TUBGCP5: variants seen among roughly 807,000 people sequenced by gnomAD.
The protein encoded by TUBGCP5 is tubulin gamma complex component 5, also known as gamma-tubulin complex component 5.
In TUBGCP5, 98 loss-of-function variants were observed where a neutral mutation model predicts 134.7. The observed-to-expected ratio is 0.73, with a 90% confidence interval of 0.62 to 0.86. The LOEUF is 0.86. TUBGCP5 is among the 40% of genes least tolerant of loss of function. The pLI is 0.00. For synonymous variants in TUBGCP5, 456 were observed against 431.4 expected, an observed-to-expected ratio of 1.06 and a Z score of -0.71; for missense variants, 1,150 against 1,244.8, an observed-to-expected ratio of 0.92 and a Z score of 1.15.
At chr15:23,016,325 T>C (rs1451957503) in intron 13 of TUBGCP5, among the ~76,000 whole-genome samples, 1 of 152,024 alleles carries the variant, frequency 6.6e-6, no homozygotes, top group Non-Finnish European at 1.5e-5. Context: ...AAACCTCGTC[T>C]CTACTAAAAA....
chr15:23,021,932 C>G, intron 11 of TUBGCP5, 27 bp downstream of exon 11: 1 of 1,610,644 alleles, frequency 6.2e-7, no homozygotes, highest in Non-Finnish European at 8.5e-7. Context: ...CATGGAGTCA[C>G]ACACTTTAGG....
intron 10 of TUBGCP5, among the ~76,000 whole-genome samples, chr15:23,022,770 T>C (rs2065774890): frequency 6.6e-6 from 1 of 152,236 alleles, no homozygotes; most frequent in Non-Finnish European, 1.5e-5. Flanking sequence ...ACTGTCACTA[T>C]GTAAGGTTTT....
At chr15:23,024,313 G>A (rs1370493025) in intron 9 of TUBGCP5, 120 bp from the exon 10 acceptor site, 7 of 1,097,248 alleles carry the variant, frequency 6.4e-6, no homozygotes, top group South Asian at 1.9e-5. Context: ...TTTAGTAGAA[G>A]ACAAAGTAAT....
chr15:23,019,668 G>A lies in TUBGCP5; in HGVS notation c.1372-334C>T, dbSNP rs565094919. ...AAAAATTAGCTGGGCATGGTGACAC[G>A]CGCCTGTAGTCCTGGCTACTTGGGA... On this transcript the variant is annotated intron_variant, in intron 11 of 22. Coordinates refer to ENST00000615383, the MANE Select transcript of TUBGCP5 (RefSeq NM_052903.6). Among the ~76,000 whole-genome samples the A allele has an allele frequency of 9.2e-5, 14 of 151,800 alleles. No individual in the cohort carries two copies. In the East Asian group the frequency reaches 2.0e-3, roughly 21 times the overall value.
At chr15:23,014,134 C>T (rs1168562511) in intron 13 of TUBGCP5, among the ~76,000 whole-genome samples, 1 of 152,210 alleles carries the variant, frequency 6.6e-6, no homozygotes, top group African/African-American at 2.4e-5. Context: ...CCCTGAGCTT[C>T]CTACCAGCTG....
In TUBGCP5 at chr15:23,032,013, G is replaced by A. The variant is rs747909830; in HGVS notation, c.423C>T (p.Phe141=). The change falls in exon 5 of 23, where the codon TTC becomes TTT. Residue 141 remains phenylalanine (F), a synonymous_variant. Coordinates refer to ENST00000615383, the MANE Select transcript of TUBGCP5 (RefSeq NM_052903.6). ...CTTCCATCAAGTATTTTCCCCAGTC[G>A]AAATCATCTTTCTTTTCTAAAATGT... The part of the protein sequence containing the change: ...RNKEVEKKDD[F]DWGKYLMEDE... 2.9e-5 allele frequency: 47 copies of A among 1,609,800 alleles called. No individual in the cohort carries two copies. The highest frequency in any genetic ancestry group is 4.0e-5 in the African/African-American group (3 of 74,792).
At chr15:22,986,133 C>CAAAAAAAAAA (rs35699215) in intron 23 of TUBGCP5, among the ~76,000 whole-genome samples, 2 of 114,092 alleles carry the variant, frequency 1.8e-5, no homozygotes, top group Non-Finnish European at 3.7e-5. Context: ...GACTCTGTCT[C>CAAAAAAAAAA]AAAAAAAAAA....
rs765480168 is a variant in TUBGCP5 at position 23,017,965 on chromosome 15, C to A, written c.1564G>T (p.Glu522Ter). The A allele has an allele frequency of 6.2e-7, 1 of 1,614,180 alleles. No homozygotes were observed. The highest frequency in any genetic ancestry group is 8.5e-7 in the Non-Finnish European group (1 of 1,180,016). The change falls in exon 13 of 23, where the codon GAA becomes TAA. Residue 522 changes from glutamate (E) to a stop codon, truncating the protein, a stop_gained. Transcript: ENST00000615383. LOFTEE classifies it high-confidence loss of function. ...TTATCACTCATTTTTTCTTCATTTT[C>A]TGTCTTTTCTGATACGCTATATAAC... ...YTLYSVSEKTENEEKMSDNAS... is the reference protein window; with the variant it reads ...YTLYSVSEKT
chr15:23,027,213 T>G lies in TUBGCP5; in HGVS notation c.716A>C (p.His239Pro). The G allele has an allele frequency of 6.2e-7, 1 of 1,613,366 alleles. No homozygotes were observed. Among genetic ancestry groups the G allele is most frequent in the Non-Finnish European group, 8.5e-7 (1 of 1,179,598 alleles). ...TTACCAGACAGCAGCTAAATTAGAG[T>G]GCAAATGTAAACTATGAGGAAACTG... ...PSQFPHSLHLHSNLAAVWDQH... is the reference protein window; with the variant it reads ...PSQFPHSLHLPSNLAAVWDQH... The change falls in exon 7 of 23, where the codon CAC (histidine) becomes CCC (proline). Residue 239 changes from histidine to proline, a missense_variant. This residue lies in a region of TUBGCP5 where 453 missense variants were observed against 394.7 expected (regional missense o/e 1.15). Coordinates refer to ENST00000615383, the MANE Select transcript of TUBGCP5 (RefSeq NM_052903.6).
intron 20 of TUBGCP5, among the ~76,000 whole-genome samples, chr15:23,003,569 ATC>A (rs2064514508): frequency 6.6e-6 from 1 of 151,318 alleles, no homozygotes; most frequent in African/African-American, 2.4e-5. Context: ...AGTGTTGACT[ATC>A]ACACATAGTT....
In TUBGCP5 at chr15:23,024,137, T is replaced by C. The variant is rs142583441; in HGVS notation, c.978A>G (p.Arg326=). 22 of 1,613,976 alleles carry C rather than the reference T, an allele frequency of 1.4e-5. No individual in the cohort carries two copies. The African/African-American group carries it at 2.8e-4, about 21-fold the overall frequency. The change falls in exon 10 of 23, where the codon CGA becomes CGG. Residue 326 remains arginine, a synonymous_variant. Transcript: ENST00000615383. ...TGACTTCATCAATGAACTCCTGGAG[T>C]CGAAACACAACCTGGCCATATGCTG... ...QIAAYGQVVF[R]LQEFIDEVMG...
At chr15:23,023,837 G>A (rs1002983286) in intron 10 of TUBGCP5, 110 bp downstream of exon 10, 1 of 1,025,348 alleles carries the variant, frequency 9.8e-7, no homozygotes, top group African/African-American at 1.6e-5. Flanking sequence ...GCATTCACGA[G>A]AACTACTTAT....
At chr15:23,029,888 G>A (rs34698497) in intron 6 of TUBGCP5, among the ~76,000 whole-genome samples, 32,892 of 149,240 alleles carry the variant, frequency 0.22, 3,771 homozygotes, top group East Asian at 0.46. Flanking sequence ...CTCAAAAAAA[G>A]GGGGTGGGGG....
At chr15:23,035,692 T>C (rs2066550890) in intron 3 of TUBGCP5, among the ~76,000 whole-genome samples, 1 of 152,072 alleles carries the variant, frequency 6.6e-6, no homozygotes, top group Admixed American at 6.6e-5. Flanking sequence ...GTCCACCATG[T>C]GGGGGTTGGG....
chr15:22,989,119 T>C (rs2140342680), intron 23 of TUBGCP5, among the ~76,000 whole-genome samples: 1 of 152,190 alleles, frequency 6.6e-6, no homozygotes, highest in Non-Finnish European at 1.5e-5. Context: ...TAATGCAGGG[T>C]AACGTCTCTA....
chr15:23,030,864 G>A (rs1213454281), intron 6 of TUBGCP5, 21 bp downstream of exon 6: 2 of 1,596,208 alleles, frequency 1.3e-6, no homozygotes, highest in Non-Finnish European at 1.7e-6. Flanking sequence ...GAAAATGCGA[G>A]CACCTCATAA....
chr15:23,000,459 A>C (rs1337528042), intron 22 of TUBGCP5, 110 bp downstream of exon 22: 1 of 1,509,524 alleles, frequency 6.6e-7, no homozygotes, highest in Non-Finnish European at 8.8e-7. Context: ...TTCAGTTTTG[A>C]AAATGGTGAG....
rs775342429 is a variant in TUBGCP5 at position 23,026,217 on chromosome 15, C to T, written c.738-12G>A. 36 of 1,607,936 alleles carry T rather than the reference C, an allele frequency of 2.2e-5. No homozygotes were observed. Among genetic ancestry groups the T allele is most frequent in the Non-Finnish European group, 2.8e-5 (33 of 1,175,328 alleles). ...ACAAGTGTTGGTCCCTATGAGACAG[C>T]AAACATAAATGTCAATAGAAAGGTT... On this transcript the variant is annotated splice_polypyrimidine_tract_variant and intron_variant, in intron 7 of 22. Coordinates refer to ENST00000615383, the MANE Select transcript of TUBGCP5 (RefSeq NM_052903.6).
At chr15:23,030,374 C>A (rs2140642343) in intron 6 of TUBGCP5, among the ~76,000 whole-genome samples, 1 of 152,276 alleles carries the variant, frequency 6.6e-6, no homozygotes, top group African/African-American at 2.4e-5. Context: ...GGAATAAATG[C>A]AGCTGTCCCT....
Sources: allele counts gnomAD v4.1 joint callset (sites outside exome capture counted in the v4.1 genomes callset), GRCh38; gene constraint gnomAD v4.1.1; regional missense constraint gnomAD v4.1.1; transcripts MANE v1.5; gene names NCBI Gene and HGNC (gene_info 2026-07-23, HGNC 2026-07-21).